The following UGGT2 variants were observed in gnomAD, a reference collection of about 807,000 sequenced individuals.
UGGT2 encodes UDP-glucose:glycoprotein glucosyltransferase 2.
A neutral mutation model predicts 192.1 loss-of-function variants in UGGT2; 180 were observed. The ratio of observed to expected loss-of-function variants is 0.94; its 90% CI spans 0.83 to 1.06. The LOEUF is 1.06. UGGT2 is among the 50% of genes least tolerant of loss of function. UGGT2 has a pLI of 0.00. For missense variants in UGGT2, 1,849 were observed against 1,795.7 expected (o/e 1.03, Z -0.54); for synonymous variants, 580 against 591.0 (o/e 0.98, Z 0.27).
chr13:96,023,244 A>G (rs958936197), intron 3 of UGGT2, 92 bp from the exon 4 acceptor site: 5 of 1,000,848 alleles, frequency 5.0e-6, no homozygotes, highest in African/African-American at 1.7e-5. Flanking sequence ...AAAATAACTC[A>G]TCAACTACTA....
intron 12 of UGGT2, among the ~76,000 whole-genome samples, chr13:95,955,288 A>G (rs1996054): frequency 0.36 from 54,240 of 152,074 alleles, 10,482 homozygotes; most frequent in East Asian, 0.45. Context: ...TACAGCTGCA[A>G]ATCATTTTTT....
intron 12 of UGGT2, among the ~76,000 whole-genome samples, chr13:95,965,931 T>G (rs895465439): frequency 6.6e-6 from 1 of 152,086 alleles, no homozygotes; most frequent in South Asian, 2.1e-4. Flanking sequence ...GGAACTCTTA[T>G]AGATAGTTGC....
At chr13:95,931,639 C>T (rs538366949) in intron 17 of UGGT2, among the ~76,000 whole-genome samples, 3 of 152,128 alleles carry the variant, frequency 2.0e-5, no homozygotes, top group South Asian at 2.1e-4. Context: ...AGCGAGAATT[C>T]GAGCACAGTG....
Position 95,914,736 on chromosome 13 carries a change from G to T in UGGT2, c.2295+10944C>A, listed in dbSNP as rs571370373. On this transcript the variant is annotated intron_variant, in intron 20 of 38. Transcript: ENST00000376747. Reference sequence around the variant, plus strand: ...AATCACTTGAACCTACTAGGAGGTGGAGGATGCAGTGAGCCGAGACTGCAT... The same window carrying T: ...AATCACTTGAACCTACTAGGAGGTGTAGGATGCAGTGAGCCGAGACTGCAT... Among the ~76,000 whole-genome samples the T allele has an allele frequency of 9.7e-4, 147 of 151,700 alleles. 2 individuals carry two copies. Among genetic ancestry groups the T allele is most frequent in the African/African-American group, 3.6e-3 (147 of 41,306 alleles).
At chr13:95,939,629 TATC>T (rs1167796886) in intron 16 of UGGT2, among the ~76,000 whole-genome samples, 17 of 152,174 alleles carry the variant, frequency 1.1e-4, no homozygotes, top group Non-Finnish European at 2.5e-4. Flanking sequence ...TAAAGCTAAT[TATC>T]ATATGCATTA....
At chr13:95,883,119 G>C (rs1241893018) in intron 27 of UGGT2, among the ~76,000 whole-genome samples, 1 of 152,128 alleles carries the variant, frequency 6.6e-6, no homozygotes, top group Non-Finnish European at 1.5e-5. Flanking sequence ...AGTTGGGAGT[G>C]ATGGGGAGTA....
chr13:96,020,569 C>A (rs563780209), intron 4 of UGGT2, among the ~76,000 whole-genome samples: 2 of 152,230 alleles, frequency 1.3e-5, no homozygotes, highest in Admixed American at 6.5e-5. Flanking sequence ...ACCATTAAAT[C>A]AGTCAAGTTT....
chr13:95,806,710 TAG>T (rs1209808317), intron 38 of UGGT2, among the ~76,000 whole-genome samples: 1 of 152,122 alleles, frequency 6.6e-6, no homozygotes, highest in Non-Finnish European at 1.5e-5. Flanking sequence ...ACTAAAGGAA[TAG>T]AGAGCCCAGA....
At chr13:96,017,258 T>G (rs1243879505) in intron 4 of UGGT2, among the ~76,000 whole-genome samples, 1 of 152,142 alleles carries the variant, frequency 6.6e-6, no homozygotes, top group Non-Finnish European at 1.5e-5. Context: ...ATTTGCAATG[T>G]GAGAAGGACA....
Position 95,832,950 on chromosome 13 carries a change from A to G in UGGT2, c.4505T>C (p.Leu1502Pro), listed in dbSNP as rs146015664. The G allele has an allele frequency of 1.1e-4, 182 of 1,612,580 alleles. No homozygotes were observed. Among genetic ancestry groups the G allele is most frequent in the Middle Eastern group, 9.9e-4 (6 of 6,046 alleles). The change falls in exon 38 of 39, where the codon CTT (leucine) becomes CCT (proline). Residue 1502 changes from leucine to proline, a missense_variant. Leu to Pro is a moderately conservative substitution (Grantham distance 98, BLOSUM62 -3). Transcript: ENST00000376747. ...ACTTGTATCTTGCTTCTTGTTTTCAAGATGATCTAATAGTTGTCTTATCTC... is the reference window on the plus strand; with the variant it reads ...ACTTGTATCTTGCTTCTTGTTTTCAGGATGATCTAATAGTTGTCTTATCTC... ...DAEIRQLLDH[L>P]ENKKQDTILT...
chr13:95,861,908 A>C (rs911870225), intron 31 of UGGT2, among the ~76,000 whole-genome samples: 1 of 152,176 alleles, frequency 6.6e-6, no homozygotes, highest in Non-Finnish European at 1.5e-5. Context: ...TTAACGTCCC[A>C]AAAACTTACC....
At chr13:95,854,244 T>C (rs888130063) in intron 35 of UGGT2, 71 bp downstream of exon 35, 147 of 1,498,416 alleles carry the variant, frequency 9.8e-5, no homozygotes, top group Admixed American at 2.0e-4. Flanking sequence ...TGTGTAATTT[T>C]TAAGAAAACT....
intron 38 of UGGT2, among the ~76,000 whole-genome samples, chr13:95,821,455 G>T (rs1440273394): frequency 6.6e-6 from 1 of 151,994 alleles, no homozygotes; most frequent in African/African-American, 2.4e-5. Context: ...GCTAATTTGA[G>T]TTTTTTGTAG....
intron 30 of UGGT2, among the ~76,000 whole-genome samples, chr13:95,865,658 C>T (rs893358355): frequency 1.2e-4 from 18 of 152,094 alleles, no homozygotes; most frequent in East Asian, 5.8e-4. Flanking sequence ...AGCGAGACTA[C>T]ATCTCAAAAC....
At chr13:95,884,825 A>G in intron 26 of UGGT2, 145 bp from the exon 27 acceptor site, 2 of 720,442 alleles carry the variant, frequency 2.8e-6, no homozygotes, top group Non-Finnish European at 2.2e-6. Flanking sequence ...AGAAAAGTTA[A>G]TGCTTATGAG....
At chr13:95,979,143 T>C (rs2051034154) in intron 10 of UGGT2, among the ~76,000 whole-genome samples, 1 of 152,182 alleles carries the variant, frequency 6.6e-6, no homozygotes, top group Non-Finnish European at 1.5e-5. Context: ...ATAACAATTC[T>C]TGCAATAAAC....
chr13:95,998,569 A>G (rs927431726), intron 6 of UGGT2, among the ~76,000 whole-genome samples: 5 of 152,186 alleles, frequency 3.3e-5, no homozygotes, highest in Admixed American at 3.3e-4. Flanking sequence ...TTGACCAAGA[A>G]TCAGGCATAA....
At chr13:95,892,026 T>C (rs1264414497) in intron 24 of UGGT2, among the ~76,000 whole-genome samples, 1 of 152,112 alleles carries the variant, frequency 6.6e-6, no homozygotes, top group African/African-American at 2.4e-5. Flanking sequence ...AAATCAGACG[T>C]TCTGCTATTA....
chr13:95,961,326 A>G (rs961372921), intron 12 of UGGT2, among the ~76,000 whole-genome samples: 2 of 152,184 alleles, frequency 1.3e-5, no homozygotes, highest in Non-Finnish European at 2.9e-5. Context: ...GGATTAAAAA[A>G]CAAGACCCAT....
Sources: allele counts gnomAD v4.1 joint callset (sites outside exome capture counted in the v4.1 genomes callset), GRCh38; gene constraint gnomAD v4.1.1; transcripts MANE v1.5; gene names NCBI Gene and HGNC (gene_info 2026-07-23, HGNC 2026-07-21).